Variants in LRRTM3 observed in about 807,000 individuals in gnomAD.
LRRTM3 encodes the protein leucine rich repeat transmembrane neuronal 3.
A neutral mutation model predicts 44.7 loss-of-function variants in LRRTM3; 24 were observed. That is an observed-to-expected ratio of 0.54 (90% CI 0.39 to 0.76). LRRTM3 has a LOEUF of 0.76. Among genes scored for constraint, LRRTM3 ranks in the 30% least tolerant of loss-of-function variants. The probability of loss-of-function intolerance (pLI) is 0.00; values close to 1 mark genes in which losing one functional copy is unlikely to be tolerated. For missense variants in LRRTM3, 587 were observed against 702.2 expected, an observed-to-expected ratio of 0.84 and a Z score of 1.85; for synonymous variants, 277 against 278.7, an observed-to-expected ratio of 0.99 and a Z score of 0.06.
At chr10:67,095,102 T>G (rs1857903475) in intron 2 of LRRTM3, among the ~76,000 whole-genome samples, 1 of 151,512 alleles carries the variant, frequency 6.6e-6, no homozygotes, top group African/African-American at 2.4e-5. Context: ...ATATATCCAA[T>G]GCTAACTCTC....
intron 2 of LRRTM3, among the ~76,000 whole-genome samples, chr10:67,011,965 C>T (rs1852367068): frequency 6.6e-6 from 1 of 152,080 alleles, no homozygotes; most frequent in African/African-American, 2.4e-5. Context: ...TGGTTTTGAC[C>T]AACATTACCT....
intron 2 of LRRTM3, among the ~76,000 whole-genome samples, chr10:66,928,936 G>C (rs1847223055): frequency 6.6e-6 from 1 of 152,170 alleles, no homozygotes; most frequent in Non-Finnish European, 1.5e-5. Flanking sequence ...ACATTTTACA[G>C]ACAGGCAGAG....
intron 2 of LRRTM3, among the ~76,000 whole-genome samples, chr10:67,055,306 A>C (rs929449975): frequency 1.3e-5 from 2 of 152,184 alleles, no homozygotes; most frequent in Non-Finnish European, 2.9e-5. Flanking sequence ...TTGAGTTTTC[A>C]TATTATTGGA....
intron 2 of LRRTM3, among the ~76,000 whole-genome samples, chr10:67,048,440 TG>T (rs992764994): frequency 6.6e-6 from 1 of 152,084 alleles, no homozygotes; most frequent in Non-Finnish European, 1.5e-5. Flanking sequence ...TAAAGAATGA[TG>T]ATTTTCATTC....
intron 2 of LRRTM3, among the ~76,000 whole-genome samples, chr10:67,050,356 T>G (rs1855007836): frequency 6.6e-6 from 1 of 152,236 alleles, no homozygotes; most frequent in South Asian, 2.1e-4. Context: ...AACTGAATTT[T>G]ATAGAGAGGA....
chr10:66,963,912 G>A (rs556250639), intron 2 of LRRTM3, among the ~76,000 whole-genome samples: 19 of 151,544 alleles, frequency 1.3e-4, no homozygotes, highest in African/African-American at 3.9e-4. Flanking sequence ...GCGCAATCTC[G>A]GTTCACTGAA....
At chr10:67,031,221 C>T (rs1012211890) in intron 2 of LRRTM3, among the ~76,000 whole-genome samples, 1 of 151,964 alleles carries the variant, frequency 6.6e-6, no homozygotes, top group Non-Finnish European at 1.5e-5. Flanking sequence ...CTATATATAA[C>T]AATACATTTG....
intron 2 of LRRTM3, among the ~76,000 whole-genome samples, chr10:66,964,138 C>A (rs189746566): frequency 6.6e-6 from 1 of 152,232 alleles, no homozygotes; most frequent in African/African-American, 2.4e-5. Context: ...GTGTGAGCCA[C>A]CGCACCCAGC....
At chr10:67,024,797 T>C (rs1309928754) in intron 2 of LRRTM3, among the ~76,000 whole-genome samples, 1 of 152,100 alleles carries the variant, frequency 6.6e-6, no homozygotes, top group Non-Finnish European at 1.5e-5. Flanking sequence ...TTTAACTTGC[T>C]CAAAAGTTAT....
chr10:67,077,510 C>T lies in LRRTM3; in HGVS notation c.1537-20077C>T, dbSNP rs1399005923. On this transcript the variant is annotated intron_variant, in intron 2 of 2. Coordinates refer to ENST00000361320, the MANE Select transcript of LRRTM3 (RefSeq NM_178011.5). ...GACCCTCTGTCCCCTGCCTGCCTCT[C>T]ATCCTTTGCACAATGTTACCTTGGC... 2.0e-5 allele frequency among the ~76,000 whole-genome samples: 3 copies of T among 152,238 alleles called. No individual in the cohort carries two copies. The East Asian group carries it at 5.8e-4, about 29-fold the overall frequency.
chr10:67,031,237 G>A (rs543741704), intron 2 of LRRTM3, among the ~76,000 whole-genome samples: 1 of 152,028 alleles, frequency 6.6e-6, no homozygotes, highest in Non-Finnish European at 1.5e-5. Flanking sequence ...ATTTGTCTAG[G>A]TCCTTTCCTA....
intron 2 of LRRTM3, among the ~76,000 whole-genome samples, chr10:67,050,592 T>C (rs1294331704): frequency 2.0e-5 from 3 of 152,170 alleles, no homozygotes; most frequent in Non-Finnish European, 4.4e-5. Context: ...TGGGAGACAT[T>C]GTTCTGCTGT....
At chr10:66,931,129 A>G (rs907625338) in intron 2 of LRRTM3, among the ~76,000 whole-genome samples, 3 of 147,458 alleles carry the variant, frequency 2.0e-5, no homozygotes, top group Non-Finnish European at 4.5e-5. Flanking sequence ...AATGTGATTG[A>G]TATTTATTTT....
At chr10:67,030,021 C>T (rs921294128) in intron 2 of LRRTM3, among the ~76,000 whole-genome samples, 1 of 152,170 alleles carries the variant, frequency 6.6e-6, no homozygotes, top group African/African-American at 2.4e-5. Flanking sequence ...ATTTCAAACA[C>T]TTTGATAGGT....
chr10:67,080,827 T>G (rs1404680498), intron 2 of LRRTM3, among the ~76,000 whole-genome samples: 2 of 151,368 alleles, frequency 1.3e-5, no homozygotes, highest in East Asian at 3.9e-4. Flanking sequence ...GAGAATGGCG[T>G]GAACCCGGGA....
chr10:67,048,606 C>T (rs1854894475), intron 2 of LRRTM3, among the ~76,000 whole-genome samples: 1 of 152,048 alleles, frequency 6.6e-6, no homozygotes, highest in Non-Finnish European at 1.5e-5. Context: ...ATGAAAATCA[C>T]TTATTCCTTT....
intron 2 of LRRTM3, among the ~76,000 whole-genome samples, chr10:67,031,960 C>A (rs1853753736): frequency 6.6e-6 from 1 of 152,140 alleles, no homozygotes; most frequent in Admixed American, 6.5e-5. Flanking sequence ...ACTTTTTAAT[C>A]TCAGAATTCT....
intron 2 of LRRTM3, among the ~76,000 whole-genome samples, chr10:67,025,608 T>C (rs1166971355): frequency 6.6e-6 from 1 of 152,142 alleles, no homozygotes; most frequent in Non-Finnish European, 1.5e-5. Context: ...CTTTAACCCC[T>C]GGAGGAAGAA....
At chr10:67,004,826 A>G (rs193097365) in intron 2 of LRRTM3, among the ~76,000 whole-genome samples, 276 of 152,288 alleles carry the variant, frequency 1.8e-3, no homozygotes, top group African/African-American at 6.1e-3. Context: ...GCTTTGTTTA[A>G]ACATATACAA....
Sources: gnomAD v4.1 joint callset for allele counts (sites outside exome capture counted in the v4.1 genomes callset) on GRCh38, gnomAD v4.1.1 for gene constraint, MANE v1.5 for transcripts, NCBI Gene and HGNC (gene_info 2026-07-23, HGNC 2026-07-21) for gene names.